GK5: variants seen among roughly 807,000 people sequenced by gnomAD.
The protein encoded by GK5 is glycerol kinase 5, also known as ATP:glycerol 3-phosphotransferase 5.
Under a neutral mutation model 77.3 loss-of-function variants are expected in GK5, and 39 were observed. The ratio of observed to expected loss-of-function variants is 0.50; its 90% confidence interval spans 0.39 to 0.66. The LOEUF (loss-of-function observed/expected upper bound fraction) is 0.66, where lower values mean the gene tolerates loss of function less well. Ranked by LOEUF, GK5 falls within the 30% of genes least tolerant of loss-of-function variation. The pLI, the probability that GK5 is intolerant of heterozygous loss-of-function variation, is 0.00. For synonymous variants in GK5, 211 were observed against 208.0 expected (o/e 1.01, Z -0.13); for missense variants, 487 against 633.8 (o/e 0.77, Z 2.49).
intron 11 of GK5, among the ~76,000 whole-genome samples, chr3:142,178,232 C>A (rs2063647762): frequency 6.6e-6 from 1 of 152,052 alleles, no homozygotes; most frequent in African/African-American, 2.4e-5. Context: ...AAAAAATTAT[C>A]CTCTGAAAGA....
Position 142,159,849 on chromosome 3 carries a change from C to CTTTTTTTTT in GK5, c.*5772_*5773insAAAAAAAAA, listed in dbSNP as rs1399191009. The CTTTTTTTTT allele has an allele frequency of 2.9e-5, 3 of 104,828 alleles. No homozygotes were observed. The highest frequency in any genetic ancestry group is 1.2e-4 in the African/African-American group (3 of 24,632). 6.5% of individuals were successfully genotyped at this position (104,828 alleles called of 1,614,324 possible). On this transcript the variant is annotated 3_prime_UTR_variant, in exon 16 of 16. Transcript: ENST00000392993. Reference sequence around the variant, plus strand: ...GGGCTTTCTCTCTCTCTCTCTCTCTCTCTCTTTTTTTTTTTTGAGACAGAG... The same window carrying CTTTTTTTTT: ...GGGCTTTCTCTCTCTCTCTCTCTCTCTTTTTTTTTTCTCTTTTTTTTTTTTGAGACAGAG...
chr3:142,170,142 C>T, intron 15 of GK5, 183 bp downstream of exon 15: 2 of 716,292 alleles, frequency 2.8e-6, no homozygotes, highest in South Asian at 3.1e-5. Flanking sequence ...AGAAGAGGTG[C>T]AACCAGACTC....
intron 9 of GK5, chr3:142,183,590 C>G (rs1345843455): frequency 6.6e-6 from 1 of 152,500 alleles, no homozygotes; most frequent in Non-Finnish European, 1.5e-5. Context: ...CCTGCCTCAG[C>G]CTCCCAAGTA....
At chr3:142,186,606 A>T in intron 6 of GK5, 93 bp from the exon 7 acceptor site, 1 of 506,726 alleles carries the variant, frequency 2.0e-6, no homozygotes, top group Admixed American at 4.0e-5. Flanking sequence ...TCTACCCTCA[A>T]ATTCATTCCA....
chr3:142,205,030 T>G (rs529840067), intron 3 of GK5, among the ~76,000 whole-genome samples: 1 of 152,222 alleles, frequency 6.6e-6, no homozygotes, highest in African/African-American at 2.4e-5. Context: ...GGAAAAGGCC[T>G]TTGAAGACCT....
rs972756611 is a variant in GK5 at position 142,163,500 on chromosome 3, C to T, written c.*2122G>A. 2.4e-4 allele frequency: 36 copies of T among 151,980 alleles called. No individual in the cohort carries two copies. Among genetic ancestry groups the T allele is most frequent in the African/African-American group, 8.7e-4 (36 of 41,358 alleles). 9.4% of individuals were successfully genotyped at this position (151,980 alleles called of 1,614,324 possible). On this transcript the variant is annotated 3_prime_UTR_variant, in exon 16 of 16. Transcript: ENST00000392993. Reference sequence around the variant, plus strand: ...GTGTTTGACCAGGTTGGACTCCTGACCTCAAATGATCCGCCCACTTCAGCC... The same window carrying T: ...GTGTTTGACCAGGTTGGACTCCTGATCTCAAATGATCCGCCCACTTCAGCC...
rs569987691 is a variant in GK5, at chr3:142,192,363, C to T, written c.544-4584G>A. Among the ~76,000 whole-genome samples the T allele has an allele frequency of 4.5e-4, 69 of 152,320 alleles. No individual in the cohort carries two copies. In the South Asian group the frequency reaches 0.014, roughly 31 times the overall value. On this transcript the variant is annotated intron_variant, in intron 5 of 15. Coordinates refer to ENST00000392993, the MANE Select transcript of GK5 (RefSeq NM_001039547.3). ...TCCAACAATCATACACCTATTTACTCAAATGAGTTGAAGATTTATGTCCAA... is the reference window on the plus strand; with the variant it reads ...TCCAACAATCATACACCTATTTACTTAAATGAGTTGAAGATTTATGTCCAA...
At chr3:142,204,554 A>G (rs1007860612) in intron 4 of GK5, 141 bp downstream of exon 4, 1 of 714,536 alleles carries the variant, frequency 1.4e-6, no homozygotes, top group African/African-American at 1.7e-5. Context: ...ATTGGCTATT[A>G]TTAAACTTCA....
rs1330144691 is a variant in GK5, at chr3:142,160,191, T to C, written c.*5431A>G. ...AATTGAGATGGGTGGGGTCTCACTA[T>C]GTTGCCTAGGCTGGTCTCGAACTCC... On this transcript the variant is annotated 3_prime_UTR_variant, in exon 16 of 16. Transcript: ENST00000392993. The C allele has an allele frequency of 6.6e-6, 1 of 152,450 alleles. No homozygotes were observed. 9.4% of individuals were successfully genotyped at this position (152,450 alleles called of 1,614,324 possible). A position where few individuals can be genotyped will look rare whatever the true frequency, so the allele number is the denominator to read the frequency against.
intron 15 of GK5, among the ~76,000 whole-genome samples, chr3:142,168,011 C>CAAACA (rs10701583): frequency 0.068 from 10,326 of 151,640 alleles, 1,172 homozygotes; most frequent in African/African-American, 0.23. Context: ...GACTCCATCT[C>CAAACA]AAACAAAACA....
chr3:142,180,230 G>A (rs781093418), intron 11 of GK5, among the ~76,000 whole-genome samples: 5 of 152,086 alleles, frequency 3.3e-5, no homozygotes, highest in Admixed American at 6.6e-5. Context: ...AGTGACAGCA[G>A]ACAGAGCAGC....
intron 1 of GK5, among the ~76,000 whole-genome samples, 161 bp downstream of exon 1, chr3:142,225,148 A>T (rs948627320): frequency 6.6e-6 from 1 of 152,094 alleles, no homozygotes; most frequent in Non-Finnish European, 1.5e-5. Context: ...GCGAAGACTC[A>T]GCCGGTCTGG....
intron 5 of GK5, among the ~76,000 whole-genome samples, chr3:142,195,451 C>T (rs990303299): frequency 6.6e-6 from 1 of 152,100 alleles, no homozygotes; most frequent in Admixed American, 6.6e-5. Flanking sequence ...TCAAGCAATC[C>T]TCCCACCCCA....
In GK5 at chr3:142,179,952, A is replaced by G. The variant is rs1489159022; in HGVS notation, c.1048+1509T>C. Reference sequence around the variant, plus strand: ...TCAGATCTGTACACTGAGTGCAGACATGAAAGAGCTTCAATAGAAGCTCCT... The same window carrying G: ...TCAGATCTGTACACTGAGTGCAGACGTGAAAGAGCTTCAATAGAAGCTCCT... On this transcript the variant is annotated intron_variant, in intron 11 of 15. Coordinates refer to ENST00000392993, the MANE Select transcript of GK5 (RefSeq NM_001039547.3). Among the ~76,000 whole-genome samples the G allele has an allele frequency of 6.6e-5, 10 of 152,366 alleles. 1 individual carries two copies. In the East Asian group the frequency reaches 1.9e-3, roughly 29 times the overall value.
intron 8 of GK5, 34 bp downstream of exon 8, chr3:142,186,160 T>G: frequency 7.5e-7 from 1 of 1,329,574 alleles, no homozygotes. Flanking sequence ...CAAGAACCAT[T>G]GTGCTGGTTA....
In GK5 at chr3:142,186,360, T is replaced by A. The variant is rs887451689; in HGVS notation, c.681+92A>T. 4.1e-6 allele frequency: 4 copies of A among 985,768 alleles called. No homozygotes were observed. The African/African-American group carries it at 6.6e-5, about 16-fold the overall frequency. 61.1% of individuals were successfully genotyped at this position (985,768 alleles called of 1,614,324 possible). A position where few individuals can be genotyped will look rare whatever the true frequency, so the allele number is the denominator to read the frequency against. On this transcript the variant is annotated intron_variant, in intron 7 of 15. Transcript: ENST00000392993. ...AACATCATGTTGTACATGATATATT[T>A]GTCAATTAAAAATAAACTAATTTTA...
At chr3:142,210,852 G>A (rs556531330) in intron 3 of GK5, among the ~76,000 whole-genome samples, 1 of 152,344 alleles carries the variant, frequency 6.6e-6, no homozygotes, top group East Asian at 1.9e-4. Flanking sequence ...GCCAGGTCCT[G>A]ATGAAAGCAA....
chr3:142,212,840 C>CTTTTTTTTTT (rs1187865939), intron 3 of GK5, among the ~76,000 whole-genome samples: 4 of 101,146 alleles, frequency 4.0e-5, no homozygotes, highest in South Asian at 2.8e-4. Flanking sequence ...TTTTTTTTTT[C>CTTTTTTTTTT]TTTTTTTTTT....
intron 3 of GK5, among the ~76,000 whole-genome samples, chr3:142,206,353 C>T (rs2064107045): frequency 6.6e-6 from 1 of 152,156 alleles, no homozygotes; most frequent in Non-Finnish European, 1.5e-5. Flanking sequence ...TTTCCGCAGT[C>T]GTTGCACCAT....
Sources: gnomAD v4.1 joint callset for allele counts (sites outside exome capture counted in the v4.1 genomes callset) on GRCh38, gnomAD v4.1.1 for gene constraint, MANE v1.5 for transcripts, NCBI Gene and HGNC (gene_info 2026-07-23, HGNC 2026-07-21) for gene names.